NRXN3: variants seen among roughly 807,000 people sequenced by gnomAD.
The protein encoded by NRXN3 is neurexin 3.
A neutral mutation model predicts 137.6 loss-of-function variants in NRXN3; 32 were observed. The observed-to-expected ratio is 0.23, with a 90% CI of 0.18 to 0.31. NRXN3 has a LOEUF of 0.31. Ranked by LOEUF, NRXN3 falls within the 10% of genes least tolerant of loss-of-function variation. NRXN3 has a pLI of 1.00. For synonymous variants in NRXN3, 798 were observed against 784.5 expected, an observed-to-expected ratio of 1.02 and a Z score of -0.29; for missense variants, 1,574 against 2,062.5, an observed-to-expected ratio of 0.76 and a Z score of 4.59.
chr14:79,598,545 T>C (rs573056794), intron 16 of NRXN3, among the ~76,000 whole-genome samples: 1 of 152,310 alleles, frequency 6.6e-6, no homozygotes, highest in South Asian at 2.1e-4. Flanking sequence ...GCAGAAAGGA[T>C]GTCAAAGGGC....
intron 8 of NRXN3, among the ~76,000 whole-genome samples, chr14:78,783,231 A>G (rs572099711): frequency 6.6e-6 from 1 of 152,338 alleles, no homozygotes; most frequent in South Asian, 2.1e-4. Flanking sequence ...CCCTTGATAG[A>G]ATGCACTGAA....
At chr14:79,469,940 C>G (rs372305508) in intron 16 of NRXN3, among the ~76,000 whole-genome samples, 13 of 152,218 alleles carry the variant, frequency 8.5e-5, no homozygotes, top group African/African-American at 2.6e-4. Flanking sequence ...AATTATGAAA[C>G]CAGCTTTTTG....
chr14:78,896,635 T>C (rs1027861897), intron 10 of NRXN3, among the ~76,000 whole-genome samples: 3 of 151,786 alleles, frequency 2.0e-5, no homozygotes, highest in African/African-American at 7.3e-5. Flanking sequence ...TAATAGGAGC[T>C]TTTATAGAGA....
At chr14:78,575,646 G>A (rs1013412976) in intron 4 of NRXN3, among the ~76,000 whole-genome samples, 6 of 152,160 alleles carry the variant, frequency 3.9e-5, no homozygotes, top group Non-Finnish European at 8.8e-5. Flanking sequence ...TTCTAATGGC[G>A]AGTCATAAGT....
intron 10 of NRXN3, among the ~76,000 whole-genome samples, chr14:78,872,976 G>T (rs1243642706): frequency 6.6e-6 from 1 of 152,176 alleles, no homozygotes. Flanking sequence ...GAGTGTGTTT[G>T]CTGATTTTTG....
At chr14:78,405,213 C>T (rs1259297967) in intron 4 of NRXN3, among the ~76,000 whole-genome samples, 3 of 152,114 alleles carry the variant, frequency 2.0e-5, no homozygotes, top group Admixed American at 6.5e-5. Context: ...TCTGGCCCTG[C>T]TGTGGGTCCC....
intron 4 of NRXN3, among the ~76,000 whole-genome samples, chr14:78,641,518 C>T (rs968508619): frequency 2.0e-5 from 3 of 152,098 alleles, no homozygotes; most frequent in Non-Finnish European, 4.4e-5. Flanking sequence ...GTGCCTCTTA[C>T]CCCATAACAT....
intron 17 of NRXN3, among the ~76,000 whole-genome samples, chr14:79,676,247 C>T (rs1281827290): frequency 1.3e-5 from 2 of 151,824 alleles, no homozygotes; most frequent in African/African-American, 4.8e-5. Flanking sequence ...AATCAGATCC[C>T]CTATTTATTA....
At chr14:79,257,980 G>A (rs2077028261) in intron 15 of NRXN3, among the ~76,000 whole-genome samples, 1 of 151,712 alleles carries the variant, frequency 6.6e-6, no homozygotes, top group African/African-American at 2.4e-5. Context: ...GTTCTCTTTT[G>A]TTATCTCTTT....
intron 1 of NRXN3, among the ~76,000 whole-genome samples, chr14:78,239,178 C>T (rs929604890): frequency 3.9e-5 from 6 of 152,228 alleles, no homozygotes; most frequent in Non-Finnish European, 8.8e-5. Flanking sequence ...AGCTCCATGA[C>T]GAGGCCCTGT....
chr14:78,180,137 T>C (rs552280674), intron 1 of NRXN3, among the ~76,000 whole-genome samples: 1 of 152,304 alleles, frequency 6.6e-6, no homozygotes, highest in South Asian at 2.1e-4. Context: ...CATGAGCCAC[T>C]GCACCTGGCT....
intron 4 of NRXN3, among the ~76,000 whole-genome samples, chr14:78,520,830 A>AAGTTAGGAGTGAAAG (rs1301733211): frequency 1.3e-5 from 2 of 152,206 alleles, no homozygotes; most frequent in African/African-American, 2.4e-5. Flanking sequence ...AACACTGCGA[A>AAGTTAGGAGTGAAAG]TTAGCACAGT....
intron 4 of NRXN3, among the ~76,000 whole-genome samples, chr14:78,515,783 G>A (rs11627788): frequency 0.24 from 36,885 of 151,894 alleles, 4,683 homozygotes; most frequent in Middle Eastern, 0.32. Flanking sequence ...AAAAGAAAAA[G>A]ATAGAATGTG....
At chr14:78,458,192 C>T (rs1358753144) in intron 4 of NRXN3, among the ~76,000 whole-genome samples, 1 of 152,180 alleles carries the variant, frequency 6.6e-6, no homozygotes, top group Non-Finnish European at 1.5e-5. Context: ...GAGAGACACT[C>T]TATTTCATTT....
chr14:78,946,402 G>T (rs1387013976), intron 10 of NRXN3, among the ~76,000 whole-genome samples: 2 of 152,198 alleles, frequency 1.3e-5, no homozygotes, highest in Admixed American at 6.5e-5. Context: ...AGGGTATCTA[G>T]TGGACACCTC....
At chr14:79,265,869 A>T (rs2078391260) in intron 15 of NRXN3, among the ~76,000 whole-genome samples, 2 of 152,030 alleles carry the variant, frequency 1.3e-5, no homozygotes, top group African/African-American at 2.4e-5. Context: ...CTGCCTTGTG[A>T]ATTATCTTCT....
intron 4 of NRXN3, among the ~76,000 whole-genome samples, chr14:78,569,229 A>G (rs1391101440): frequency 6.6e-6 from 1 of 150,490 alleles, no homozygotes; most frequent in African/African-American, 2.5e-5. Context: ...TCGGCCTCCC[A>G]AAGTGCTGGG....
chr14:79,447,962 A>C (rs2153580808), intron 15 of NRXN3, among the ~76,000 whole-genome samples: 1 of 152,294 alleles, frequency 6.6e-6, no homozygotes, highest in Non-Finnish European at 1.5e-5. Context: ...GTCCTGTTTA[A>C]AATGTTATGA....
At chr14:78,460,508 T>A (rs1278185319) in intron 4 of NRXN3, among the ~76,000 whole-genome samples, 3 of 152,222 alleles carry the variant, frequency 2.0e-5, no homozygotes, top group Admixed American at 1.3e-4. Flanking sequence ...AGGAGCTGTA[T>A]GCCAGAAATG....
Sources: gnomAD v4.1 joint callset for allele counts (sites outside exome capture counted in the v4.1 genomes callset) on GRCh38, gnomAD v4.1.1 for gene constraint, MANE v1.5 for transcripts, NCBI Gene and HGNC (gene_info 2026-07-23, HGNC 2026-07-21) for gene names.